The following BICC1 variants were observed in gnomAD, a reference collection of about 807,000 sequenced individuals.
BICC1 encodes BicC family RNA binding protein 1.
In BICC1, 43 loss-of-function variants were observed where a neutral mutation model predicts 111.0. That is an observed-to-expected ratio of 0.39 (90% CI 0.30 to 0.50). The LOEUF is 0.50. BICC1 is among the 20% of genes least tolerant of loss of function. The pLI is 0.88. For synonymous variants in BICC1, 467 were observed against 434.4 expected, an observed-to-expected ratio of 1.07 and a Z score of -0.93; for missense variants, 1,091 against 1,203.2, an observed-to-expected ratio of 0.91 and a Z score of 1.38.
At chr10:58,741,210 T>C (rs147646995) in intron 3 of BICC1, among the ~76,000 whole-genome samples, 2,655 of 152,290 alleles carry the variant, frequency 0.017, 42 homozygotes, top group Non-Finnish European at 0.026. Flanking sequence ...AGAGATGAAC[T>C]GTTGTAATGG....
chr10:58,620,553 A>G (rs1845768992), intron 1 of BICC1, among the ~76,000 whole-genome samples: 1 of 152,234 alleles, frequency 6.6e-6, no homozygotes, highest in Non-Finnish European at 1.5e-5. Context: ...AGTTGCATTT[A>G]TTCATATAGT....
At position 58,597,941 on chromosome 10, in the gene BICC1, A is replaced by G. The variant is rs143329536; in HGVS notation, c.191-22914A>G. Among the ~76,000 whole-genome samples the G allele has an allele frequency of 8.0e-3, 1,213 of 152,196 alleles. 16 individuals are homozygous for G. The highest frequency in any genetic ancestry group is 0.014 in the Admixed American group (211 of 15,280). On this transcript the variant is annotated intron_variant, in intron 1 of 20. Coordinates refer to ENST00000373886, the MANE Select transcript of BICC1 (RefSeq NM_001080512.3). ...ATTGTTCAAACACACATGTTTTACA[A>G]TCAATTTGTACAGGTAACACAGTTA...
intron 2 of BICC1, among the ~76,000 whole-genome samples, chr10:58,622,054 C>A (rs554709812): frequency 6.6e-6 from 1 of 151,254 alleles, no homozygotes; most frequent in Non-Finnish European, 1.5e-5. Context: ...TGATGATGTG[C>A]ACCTGTAGTT....
At chr10:58,515,988 A>G (rs553990897) in intron 1 of BICC1, among the ~76,000 whole-genome samples, 2 of 152,348 alleles carry the variant, frequency 1.3e-5, no homozygotes, top group Middle Eastern at 3.4e-3. Flanking sequence ...ATAATTGCAG[A>G]AGTAAAATAG....
intron 3 of BICC1, among the ~76,000 whole-genome samples, chr10:58,766,094 C>A (rs554281897): frequency 6.6e-6 from 1 of 152,308 alleles, no homozygotes; most frequent in South Asian, 2.1e-4. Context: ...CCTGAAGCTG[C>A]CTCCTGCTGA....
At chr10:58,527,812 A>T (rs1042980476) in intron 1 of BICC1, among the ~76,000 whole-genome samples, 41 of 152,068 alleles carry the variant, frequency 2.7e-4, no homozygotes, top group African/African-American at 8.0e-4. Context: ...GCCCTGCTGA[A>T]ATGCAGAGGA....
chr10:58,656,701 T>G (rs189851566), intron 2 of BICC1, among the ~76,000 whole-genome samples: 1 of 152,172 alleles, frequency 6.6e-6, no homozygotes, highest in Non-Finnish European at 1.5e-5. Flanking sequence ...GTAAAAAATA[T>G]CATCCTTTAA....
chr10:58,796,151 A>G (rs921136327), intron 9 of BICC1, among the ~76,000 whole-genome samples, 189 bp from the exon 10 acceptor site: 9 of 152,178 alleles, frequency 5.9e-5, no homozygotes, highest in African/African-American at 2.2e-4. Context: ...CCAATAATTT[A>G]GGGTTTTGCC....
intron 2 of BICC1, among the ~76,000 whole-genome samples, chr10:58,659,334 A>G (rs979857998): frequency 1.3e-5 from 2 of 152,180 alleles, no homozygotes; most frequent in African/African-American, 4.8e-5. Flanking sequence ...ATCAACCTAA[A>G]TGTCCATCAA....
chr10:58,670,693 C>A (rs559541538), intron 2 of BICC1, among the ~76,000 whole-genome samples: 12 of 152,118 alleles, frequency 7.9e-5, no homozygotes, highest in African/African-American at 2.2e-4. Context: ...TTTGAACATT[C>A]TGATTTTTAA....
chr10:58,692,684 A>G (rs1839946204), intron 2 of BICC1, among the ~76,000 whole-genome samples: 1 of 152,106 alleles, frequency 6.6e-6, no homozygotes, highest in Non-Finnish European at 1.5e-5. Flanking sequence ...AGGCGAGAGC[A>G]TCTTTTGTAA....
At chr10:58,585,838 G>C (rs1208942511) in intron 1 of BICC1, among the ~76,000 whole-genome samples, 1 of 152,212 alleles carries the variant, frequency 6.6e-6, no homozygotes, top group Admixed American at 6.5e-5. Context: ...ATGTGTGACA[G>C]ATGATGACGT....
chr10:58,528,893 T>G (rs927410711), intron 1 of BICC1, among the ~76,000 whole-genome samples: 1 of 151,930 alleles, frequency 6.6e-6, no homozygotes, highest in African/African-American at 2.4e-5. Flanking sequence ...TGCCTTGATC[T>G]TTACCACACC....
chr10:58,593,334 CT>C (rs1341768754), intron 1 of BICC1, among the ~76,000 whole-genome samples: 1 of 152,214 alleles, frequency 6.6e-6, no homozygotes, highest in African/African-American at 2.4e-5. Flanking sequence ...ATTAATGTCC[CT>C]GCCTGACAGT....
At chr10:58,609,700 T>C (rs751392649) in intron 1 of BICC1, among the ~76,000 whole-genome samples, 15 of 152,210 alleles carry the variant, frequency 9.9e-5, no homozygotes, top group Non-Finnish European at 1.6e-4. Context: ...CTAGTCACAC[T>C]TTCAGTGTTC....
At position 58,803,103 on chromosome 10, in the gene BICC1, C is replaced by T. The variant is rs757968098; in HGVS notation, c.2042C>T (p.Pro681Leu). The T allele has an allele frequency of 1.2e-6, 2 of 1,607,768 alleles. No individual in the cohort carries two copies. Among genetic ancestry groups the T allele is most frequent in the Non-Finnish European group, 8.5e-7 (1 of 1,176,920 alleles). ...LHSTDRLLSD[P>L]ELSATESPLA... The stretch of plus-strand genomic sequence containing the variant: ...AGCACTGACAGGTTGCTCTCAGACC[C>T]TGAACTGAGTGCTACCGAAAGCCCT... The change falls in exon 15 of 21, where the codon CCT (proline) becomes CTT (leucine). Residue 681 changes from proline (P) to leucine (L), a missense_variant. Physicochemically the swap from Pro to Leu is moderately conservative, Grantham distance 98. Coordinates refer to ENST00000373886, the MANE Select transcript of BICC1 (RefSeq NM_001080512.3).
At chr10:58,687,366 A>G (rs905092793) in intron 2 of BICC1, among the ~76,000 whole-genome samples, 7 of 152,208 alleles carry the variant, frequency 4.6e-5, no homozygotes, top group African/African-American at 7.2e-5. Flanking sequence ...CTGAAACTCC[A>G]TGCTGGGAGA....
chr10:58,536,873 C>T (rs144638076), intron 1 of BICC1, among the ~76,000 whole-genome samples: 1 of 151,700 alleles, frequency 6.6e-6, no homozygotes, highest in African/African-American at 2.4e-5. Context: ...GGAGACATTA[C>T]AACTGACACC....
chr10:58,684,080 A>C (rs1839629322), intron 2 of BICC1, among the ~76,000 whole-genome samples: 1 of 152,192 alleles, frequency 6.6e-6, no homozygotes, highest in Non-Finnish European at 1.5e-5. Context: ...AGTTTTTAGC[A>C]TGAAGCGCTG....
Sources: gnomAD v4.1 joint callset for allele counts (sites outside exome capture counted in the v4.1 genomes callset) on GRCh38, gnomAD v4.1.1 for gene constraint, MANE v1.5 for transcripts, NCBI Gene and HGNC (gene_info 2026-07-23, HGNC 2026-07-21) for gene names.